Variants in TMEM192 observed in about 807,000 individuals in gnomAD.
TMEM192 encodes transmembrane protein 192.
TMEM192 carries 20 observed loss-of-function variants against 26.7 expected under a neutral mutation model. The observed-to-expected ratio is 0.75, with a 90% CI of 0.53 to 1.09. The LOEUF (loss-of-function observed/expected upper bound fraction) is 1.09. Among genes scored for constraint, TMEM192 ranks in the 50% least tolerant of loss-of-function variants. TMEM192 has a pLI of 0.00. For synonymous variants in TMEM192, 124 were observed against 121.0 expected (o/e 1.02, Z -0.16); for missense variants, 304 against 322.6 (o/e 0.94, Z 0.44).
chr4:165,100,475 A>G (rs1735012982), intron 3 of TMEM192, among the ~76,000 whole-genome samples, 153 bp downstream of exon 3: 1 of 152,184 alleles, frequency 6.6e-6, no homozygotes, highest in Non-Finnish European at 1.5e-5. Context: ...GCTTTAAGAC[A>G]TTAAGGTGAT....
intron 4 of TMEM192, among the ~76,000 whole-genome samples, chr4:165,087,215 C>T (rs1318636664): frequency 6.6e-6 from 1 of 152,008 alleles, no homozygotes; most frequent in African/African-American, 2.4e-5. Context: ...TGTTAACAAT[C>T]AGAGTTAAGT....
chr4:165,107,828 C>T (rs985055427), intron 1 of TMEM192, among the ~76,000 whole-genome samples: 1 of 152,212 alleles, frequency 6.6e-6, no homozygotes, highest in Non-Finnish European at 1.5e-5. Context: ...AGCATCATTC[C>T]TACTGCACTC....
At chr4:165,089,794 T>A (rs75697148) in intron 3 of TMEM192, among the ~76,000 whole-genome samples, 6,397 of 152,232 alleles carry the variant, frequency 0.042, 160 homozygotes, top group Middle Eastern at 0.15. Context: ...CCCCTCCCAA[T>A]CTTCTTTAGT....
chr4:165,092,505 C>G (rs1163623003), intron 3 of TMEM192, among the ~76,000 whole-genome samples: 1 of 152,128 alleles, frequency 6.6e-6, no homozygotes, highest in Admixed American at 6.6e-5. Context: ...TAAATATTAC[C>G]TGTTTGCACC....
At position 165,085,432 on chromosome 4, in the gene TMEM192, T is replaced by C. The variant is rs190154432; in HGVS notation, c.677+154A>G. Among the ~76,000 whole-genome samples, 593 of 152,324 alleles carry C rather than the reference T, an allele frequency of 3.9e-3. 6 individuals are homozygous for C. Among genetic ancestry groups the C allele is most frequent in the African/African-American group, 0.013 (556 of 41,564 alleles). Reference sequence around the variant, plus strand: ...GCCTATTTAATACATTTACACATCCTGATTTAGACTTGATTTCACCACAGC... The same window carrying C: ...GCCTATTTAATACATTTACACATCCCGATTTAGACTTGATTTCACCACAGC... On this transcript the variant is annotated intron_variant, in intron 5 of 5. Coordinates refer to ENST00000306480, the MANE Select transcript of TMEM192 (RefSeq NM_001100389.2).
At chr4:165,107,652 G>T (rs143341361) in intron 1 of TMEM192, among the ~76,000 whole-genome samples, 1,612 of 152,202 alleles carry the variant, frequency 0.011, 15 homozygotes, top group Non-Finnish European at 0.015. Flanking sequence ...CCAAGGATTT[G>T]CCTCTCACCA....
At position 165,079,827 on chromosome 4, in the gene TMEM192, A is replaced by G. The variant is rs763369586; in HGVS notation, c.678-31T>C. 44 of 1,607,482 alleles carry G rather than the reference A, an allele frequency of 2.7e-5. No homozygotes were observed. In the South Asian group the frequency reaches 4.7e-4, roughly 17 times the overall value. Reference sequence around the variant, plus strand: ...AGTAATCAAGATATAAATGGGTTACACATATTCACCAATACTCATTAGTGT... The same window carrying G: ...AGTAATCAAGATATAAATGGGTTACGCATATTCACCAATACTCATTAGTGT... On this transcript the variant is annotated intron_variant, in intron 5 of 5. Transcript: ENST00000306480.
At chr4:165,084,497 C>A (rs1487323224) in intron 5 of TMEM192, among the ~76,000 whole-genome samples, 1 of 151,974 alleles carries the variant, frequency 6.6e-6, no homozygotes, top group Admixed American at 6.6e-5. Context: ...CCCCACCTGG[C>A]CCACACTTTC....
At chr4:165,107,172 C>T (rs1037224141) in intron 1 of TMEM192, among the ~76,000 whole-genome samples, 18 of 151,754 alleles carry the variant, frequency 1.2e-4, no homozygotes, top group African/African-American at 4.4e-4. Flanking sequence ...TTACAAGTGC[C>T]CGACACCTTG....
chr4:165,096,700 G>A (rs761336279), intron 3 of TMEM192, among the ~76,000 whole-genome samples: 24 of 150,062 alleles, frequency 1.6e-4, no homozygotes, highest in Non-Finnish European at 3.0e-4. Flanking sequence ...GCTCCATTCC[G>A]TTTGATTTTC....
rs1406510173 is a variant in TMEM192, at chr4:165,097,108, T to C, written c.439+3520A>G. Reference sequence around the variant, plus strand: ...TCAAGAGCAGTCAGGATCACCCAACTCTATAAACTGCTTCACGCTGATATA... The same window carrying C: ...TCAAGAGCAGTCAGGATCACCCAACCCTATAAACTGCTTCACGCTGATATA... On this transcript the variant is annotated intron_variant, in intron 3 of 5. Coordinates refer to ENST00000306480, the MANE Select transcript of TMEM192 (RefSeq NM_001100389.2). 2.0e-5 allele frequency among the ~76,000 whole-genome samples: 3 copies of C among 152,150 alleles called. No individual in the cohort carries two copies. In the East Asian group the frequency reaches 5.8e-4, roughly 29 times the overall value.
chr4:165,085,482 A>C, intron 5 of TMEM192, 104 bp downstream of exon 5: 1 of 773,434 alleles, frequency 1.3e-6, no homozygotes, highest in Non-Finnish European at 2.1e-6. Flanking sequence ...CAAATCAAAC[A>C]AATGTAAAAG....
At chr4:165,085,532 T>G in intron 5 of TMEM192, 54 bp downstream of exon 5, 1 of 1,185,214 alleles carries the variant, frequency 8.4e-7, no homozygotes, top group Non-Finnish European at 1.2e-6. Context: ...TCAGAATGGT[T>G]TCTAGCTTTC....
chr4:165,101,768 C>A (rs1407468322), intron 2 of TMEM192, among the ~76,000 whole-genome samples: 3 of 152,154 alleles, frequency 2.0e-5, no homozygotes, highest in Non-Finnish European at 4.4e-5. Flanking sequence ...GGGGATACCA[C>A]CTCTCTCCCC....
chr4:165,092,918 T>A (rs559614843), intron 3 of TMEM192, among the ~76,000 whole-genome samples: 1 of 149,060 alleles, frequency 6.7e-6, no homozygotes, highest in Non-Finnish European at 1.5e-5. Flanking sequence ...ATAATAAAAA[T>A]AAATAAAAAA....
rs1734427760 is a variant in TMEM192, at chr4:165,077,936, T to C, written c.*1722A>G. The C allele has an allele frequency of 6.6e-6, 1 of 151,318 alleles. No individual in the cohort carries two copies. Among genetic ancestry groups the C allele is most frequent in the Non-Finnish European group, 1.5e-5 (1 of 67,680 alleles). 9.4% of individuals were successfully genotyped at this position (151,318 alleles called of 1,614,324 possible). A position where few individuals can be genotyped will look rare whatever the true frequency, so the allele number is the denominator to read the frequency against. On this transcript the variant is annotated 3_prime_UTR_variant, in exon 6 of 6. Coordinates refer to ENST00000306480, the MANE Select transcript of TMEM192 (RefSeq NM_001100389.2). The stretch of plus-strand genomic sequence containing the variant: ...GTGTGCAGGTGACACACGATCTTTT[T>C]TTTTTTTTTTTGAGAGACAGTGTCT...
intron 3 of TMEM192, among the ~76,000 whole-genome samples, chr4:165,092,472 G>T (rs939167823): frequency 6.6e-6 from 1 of 152,088 alleles, no homozygotes; most frequent in Non-Finnish European, 1.5e-5. Flanking sequence ...ACTTAGAACA[G>T]TGCCTGGCCT....
rs776833193 is a variant in TMEM192 at position 165,076,299 on chromosome 4, T to C, written c.*3359A>G. ...GGGCCATATCTTTCTGCCACACATA[T>C]TTCCTCCATATTGAACTACCATCTG... is the stretch of plus-strand genomic sequence containing the variant. On this transcript the variant is annotated 3_prime_UTR_variant, in exon 6 of 6. Coordinates refer to ENST00000306480, the MANE Select transcript of TMEM192 (RefSeq NM_001100389.2). 7.9e-5 allele frequency: 12 copies of C among 152,154 alleles called. No individual in the cohort carries two copies. The highest frequency in any genetic ancestry group is 1.5e-4 in the Non-Finnish European group (10 of 68,034). 9.4% of individuals were successfully genotyped at this position (152,154 alleles called of 1,614,324 possible). A position where few individuals can be genotyped will look rare whatever the true frequency, so the allele number is the denominator to read the frequency against.
At chr4:165,107,521 T>C (rs1408592972) in intron 1 of TMEM192, among the ~76,000 whole-genome samples, 2 of 151,748 alleles carry the variant, frequency 1.3e-5, no homozygotes, top group African/African-American at 2.4e-5. Flanking sequence ...TTTTTGTATT[T>C]TTAGTAAAGG....
Sources: gnomAD v4.1 joint callset for allele counts (sites outside exome capture counted in the v4.1 genomes callset) on GRCh38, gnomAD v4.1.1 for gene constraint, MANE v1.5 for transcripts, NCBI Gene and HGNC (gene_info 2026-07-23, HGNC 2026-07-21) for gene names.